The following PPARG variants were observed in gnomAD, a reference collection of about 807,000 sequenced individuals.
The protein encoded by PPARG is peroxisome proliferator activated receptor gamma.
Under a neutral mutation model 39.2 loss-of-function variants are expected in PPARG, and 17 were observed. That is an observed-to-expected ratio of 0.43 (90% CI 0.30 to 0.65). The LOEUF is 0.65. Ranked by LOEUF, PPARG falls within the 30% of genes least tolerant of loss-of-function variation. The pLI is 0.13. For missense variants in PPARG, 406 were observed against 585.9 expected (o/e 0.69, Z 3.17); for synonymous variants, 223 against 215.7 (o/e 1.03, Z -0.30).
intron 2 of PPARG, among the ~76,000 whole-genome samples, chr3:12,356,879 C>T (rs908151274): frequency 1.3e-5 from 2 of 152,200 alleles, no homozygotes; most frequent in Admixed American, 1.3e-4. Flanking sequence ...AAATGCCTTT[C>T]CTAATTCTTC....
intron 2 of PPARG, among the ~76,000 whole-genome samples, chr3:12,339,865 G>T (rs1484724842): frequency 6.6e-6 from 1 of 152,120 alleles, no homozygotes; most frequent in Non-Finnish European, 1.5e-5. Context: ...CCTTTATTCA[G>T]CATGGCATAT....
At chr3:12,356,208 T>C (rs2048660777) in intron 2 of PPARG, among the ~76,000 whole-genome samples, 1 of 152,218 alleles carries the variant, frequency 6.6e-6, no homozygotes, top group Non-Finnish European at 1.5e-5. Context: ...TAAGTTTCTG[T>C]AAAGTTTTAC....
intron 4 of PPARG, 151 bp downstream of exon 4, chr3:12,381,642 A>C: frequency 1.3e-6 from 1 of 756,444 alleles, no homozygotes; most frequent in Non-Finnish European, 2.2e-6. Flanking sequence ...CAGTGGTGCT[A>C]TCCTAGCACA....
intron 2 of PPARG, among the ~76,000 whole-genome samples, chr3:12,316,909 A>G (rs2047404462): frequency 6.6e-6 from 1 of 152,206 alleles, no homozygotes; most frequent in Non-Finnish European, 1.5e-5. Context: ...TATGAAAAGA[A>G]GAAAAGCCCC....
intron 1 of PPARG, among the ~76,000 whole-genome samples, chr3:12,306,596 CCA>C (rs1395465323): frequency 6.6e-6 from 1 of 152,180 alleles, no homozygotes; most frequent in East Asian, 1.9e-4. Context: ...CACCACTATT[CCA>C]CATTTAACAA....
chr3:12,364,185 T>G (rs548969758), intron 2 of PPARG, among the ~76,000 whole-genome samples: 1 of 152,366 alleles, frequency 6.6e-6, no homozygotes, highest in Admixed American at 6.5e-5. Flanking sequence ...TTCACTGACC[T>G]AAAAATCCTC....
At chr3:12,329,219 C>G (rs1285088333) in intron 2 of PPARG, among the ~76,000 whole-genome samples, 2 of 149,730 alleles carry the variant, frequency 1.3e-5, no homozygotes, top group Non-Finnish European at 3.0e-5. Flanking sequence ...TCACTTTTCT[C>G]TCCTTGATTC....
intron 5 of PPARG, 72 bp from the exon 6 acceptor site, chr3:12,405,810 T>A: frequency 6.0e-6 from 9 of 1,495,680 alleles, no homozygotes; most frequent in Non-Finnish European, 8.3e-6. Context: ...GAACGAGGGC[T>A]GGGAGAGCAC....
intron 5 of PPARG, chr3:12,399,586 CTT>C (rs1400409572): frequency 1.7e-5 from 2 of 120,550 alleles, no homozygotes; most frequent in East Asian, 5.3e-4. Context: ...GACCCTGTCT[CTT>C]TAAAAAAAAA....
At position 12,303,149 on chromosome 3, in the gene PPARG, G is replaced by A. The variant is rs139206415; in HGVS notation, c.-82-9231G>A. The stretch of plus-strand genomic sequence containing the variant: ...TCCTTCATGCCAGAGTTAGAAGACC[G>A]CTGCCCTAAAGGATGAATGAGTGGA... On this transcript the variant is annotated intron_variant, in intron 1 of 7. Coordinates refer to ENST00000651735, the MANE Select transcript of PPARG (RefSeq NM_138711.6). Among the ~76,000 whole-genome samples, 32 of 152,112 alleles carry A rather than the reference G, an allele frequency of 2.1e-4. No homozygotes were observed. The East Asian group carries it at 2.9e-3, about 14-fold the overall frequency.
intron 1 of PPARG, among the ~76,000 whole-genome samples, chr3:12,311,637 C>T (rs1215629437): frequency 2.0e-5 from 3 of 151,306 alleles, no homozygotes; most frequent in African/African-American, 4.9e-5. Context: ...TGTCGGGTCT[C>T]GATGTTGGCG....
intron 7 of PPARG, among the ~76,000 whole-genome samples, chr3:12,425,429 G>C (rs2051405656): frequency 2.0e-5 from 3 of 152,158 alleles, no homozygotes; most frequent in African/African-American, 4.8e-5. Flanking sequence ...TTCATGTGCT[G>C]TTGCCATTTC....
At chr3:12,328,495 C>T (rs1438447691) in intron 2 of PPARG, among the ~76,000 whole-genome samples, 1 of 152,242 alleles carries the variant, frequency 6.6e-6, no homozygotes, top group Admixed American at 6.5e-5. Flanking sequence ...GACACTCTTC[C>T]CTCTTGGGGT....
chr3:12,407,275 G>A (rs916773414), intron 6 of PPARG, among the ~76,000 whole-genome samples: 2 of 151,864 alleles, frequency 1.3e-5, no homozygotes, highest in African/African-American at 2.4e-5. Context: ...ATTCTCCTGC[G>A]TCAGCCTCCC....
At chr3:12,312,142 T>A (rs980074789) in intron 1 of PPARG, among the ~76,000 whole-genome samples, 17 of 152,244 alleles carry the variant, frequency 1.1e-4, no homozygotes, top group Non-Finnish European at 4.4e-5. Context: ...TATGAAATAA[T>A]TTTTAAAAGA....
Position 12,434,287 on chromosome 3 carries a change from G to A in PPARG, c.*142G>A, listed in dbSNP as rs985536309. On this transcript the variant is annotated 3_prime_UTR_variant, in exon 8 of 8. Transcript: ENST00000651735. The surrounding 1 kb of genome is among the most constrained non-coding windows in gnomAD (Gnocchi z 4.2). ...GAATATGATCTATTTTATGCATATT[G>A]TTTATAAAGACACATTTACAATTTA... is the stretch of plus-strand genomic sequence containing the variant. The A allele has an allele frequency of 1.9e-6, 2 of 1,053,270 alleles. No individual in the cohort carries two copies. The highest frequency in any genetic ancestry group is 1.6e-5 in the African/African-American group (1 of 62,358). The allele number at this position is 1,053,270 out of a possible 1,614,324, so 65.2% of individuals were successfully genotyped here. A position where few individuals can be genotyped will look rare whatever the true frequency, so the allele number is the denominator to read the frequency against.
At position 12,309,105 on chromosome 3, in the gene PPARG, C is replaced by G. The variant is rs112200889; in HGVS notation, c.-82-3275C>G. ...TATGCAAATTTATTTTATGGTAGAA[C>G]CTTTTCTGTTGGAAAATCTTAGGGA... On this transcript the variant is annotated intron_variant, in intron 1 of 7. Transcript: ENST00000651735. 1.7e-3 allele frequency among the ~76,000 whole-genome samples: 255 copies of G among 152,218 alleles called. 1 individual carries two copies. Among genetic ancestry groups the G allele is most frequent in the African/African-American group, 6.0e-3 (248 of 41,562 alleles).
chr3:12,396,757 C>CAAA (rs1208855424), intron 5 of PPARG, among the ~76,000 whole-genome samples: 2 of 56,240 alleles, frequency 3.6e-5, no homozygotes, highest in Non-Finnish European at 7.6e-5. Flanking sequence ...GACCCAGTCT[C>CAAA]AAAAAAAAAA....
At chr3:12,411,826 G>A (rs967756421) in intron 6 of PPARG, among the ~76,000 whole-genome samples, 3 of 152,104 alleles carry the variant, frequency 2.0e-5, no homozygotes, top group African/African-American at 7.2e-5. Context: ...ATGAGTTTTG[G>A]ATTGTAGCTA....
Sources: allele counts gnomAD v4.1 joint callset (sites outside exome capture counted in the v4.1 genomes callset), GRCh38; gene constraint gnomAD v4.1.1; non-coding constraint Gnocchi (gnomAD v3.1); transcripts MANE v1.5; gene names NCBI Gene and HGNC (gene_info 2026-07-23, HGNC 2026-07-21).